The following CAMKMT variants were observed in gnomAD, a reference collection of about 807,000 sequenced individuals.
The protein encoded by CAMKMT is calmodulin-lysine N-methyltransferase.
A neutral mutation model predicts 48.0 loss-of-function variants in CAMKMT; 53 were observed. The ratio of observed to expected loss-of-function variants is 1.10; its 90% confidence interval spans 0.89 to 1.39. The LOEUF (loss-of-function observed/expected upper bound fraction) is 1.39, where lower values mean the gene tolerates loss of function less well. Ranked by LOEUF, CAMKMT falls within the 40% of genes most tolerant of loss-of-function variation. The pLI, the probability that CAMKMT is intolerant of heterozygous loss-of-function variation, is 0.00. For synonymous variants in CAMKMT, 165 were observed against 152.3 expected, an observed-to-expected ratio of 1.08 and a Z score of -0.61; for missense variants, 428 against 402.7, an observed-to-expected ratio of 1.06 and a Z score of -0.54.
chr2:44,444,604 G>T (rs760332976), intron 3 of CAMKMT, among the ~76,000 whole-genome samples: 1 of 152,106 alleles, frequency 6.6e-6, no homozygotes, highest in Non-Finnish European at 1.5e-5. Context: ...AAATTTTATC[G>T]TGGATGTTAA....
intron 3 of CAMKMT, among the ~76,000 whole-genome samples, chr2:44,529,576 A>G (rs1040213768): frequency 2.0e-5 from 3 of 152,212 alleles, no homozygotes; most frequent in Non-Finnish European, 4.4e-5. Flanking sequence ...ACTTTGGGCT[A>G]GGGTTGCTTC....
In CAMKMT at chr2:44,668,111, G is replaced by A. The variant is rs1213576410; in HGVS notation, c.377-36172G>A. Among the ~76,000 whole-genome samples, 3 of 152,060 alleles carry A rather than the reference G, an allele frequency of 2.0e-5. 1 individual carries two copies. The highest frequency in any genetic ancestry group is 2.9e-5 in the Non-Finnish European group (2 of 68,024). Reference sequence around the variant, plus strand: ...TTGAGAAATCCTGCTACATTTCCCTGGTAAATTTGTTCTTCAAACCCCTCC... The same window carrying A: ...TTGAGAAATCCTGCTACATTTCCCTAGTAAATTTGTTCTTCAAACCCCTCC... On this transcript the variant is annotated intron_variant, in intron 3 of 10. Coordinates refer to ENST00000378494, the MANE Select transcript of CAMKMT (RefSeq NM_024766.5).
At chr2:44,581,723 G>A (rs973378747) in intron 3 of CAMKMT, among the ~76,000 whole-genome samples, 9 of 152,236 alleles carry the variant, frequency 5.9e-5, no homozygotes, top group South Asian at 4.1e-4. Flanking sequence ...GGTTTTTGCC[G>A]GGCGTGGTGG....
intron 3 of CAMKMT, among the ~76,000 whole-genome samples, chr2:44,698,033 T>C (rs943117308): frequency 6.6e-6 from 1 of 152,188 alleles, no homozygotes; most frequent in Non-Finnish European, 1.5e-5. Flanking sequence ...CTATAACTAA[T>C]TTGAAAAGAA....
intron 3 of CAMKMT, among the ~76,000 whole-genome samples, chr2:44,642,192 G>A (rs976810401): frequency 1.3e-5 from 2 of 152,138 alleles, no homozygotes; most frequent in African/African-American, 4.8e-5. Context: ...TACCTTTGTT[G>A]GCTAAAAGTT....
chr2:44,626,088 A>T (rs1672465022), intron 3 of CAMKMT, among the ~76,000 whole-genome samples: 1 of 152,190 alleles, frequency 6.6e-6, no homozygotes, highest in African/African-American at 2.4e-5. Context: ...ATTGCATTGA[A>T]TTCATAGATG....
chr2:44,672,571 A>G (rs1045524249), intron 3 of CAMKMT, among the ~76,000 whole-genome samples: 2 of 152,184 alleles, frequency 1.3e-5, no homozygotes, highest in African/African-American at 4.8e-5. Context: ...CTCTTTCTAC[A>G]TGAGCAGAGC....
At chr2:44,567,323 C>A (rs529652974) in intron 3 of CAMKMT, among the ~76,000 whole-genome samples, 1 of 152,282 alleles carries the variant, frequency 6.6e-6, no homozygotes, top group Admixed American at 6.5e-5. Context: ...TATTAAAATG[C>A]TCTCCACAGG....
At chr2:44,540,138 C>T (rs1274500688) in intron 3 of CAMKMT, among the ~76,000 whole-genome samples, 1 of 130,218 alleles carries the variant, frequency 7.7e-6, no homozygotes, top group African/African-American at 2.8e-5. Flanking sequence ...TCCCATTTTC[C>T]CTCTCTTATA....
intron 3 of CAMKMT, among the ~76,000 whole-genome samples, chr2:44,648,821 A>G (rs1673898558): frequency 6.6e-6 from 1 of 152,192 alleles, no homozygotes; most frequent in South Asian, 2.1e-4. Flanking sequence ...TTTCTCCCCT[A>G]GACTACCCCA....
At chr2:44,727,116 C>T (rs1573178052) in intron 7 of CAMKMT, among the ~76,000 whole-genome samples, 1 of 152,050 alleles carries the variant, frequency 6.6e-6, no homozygotes, top group Non-Finnish European at 1.5e-5. Context: ...TTTTTGGTTC[C>T]ATATGAATTT....
chr2:44,418,181 G>T (rs1295216780), intron 3 of CAMKMT, among the ~76,000 whole-genome samples: 1 of 127,738 alleles, frequency 7.8e-6, no homozygotes. Context: ...GACAAGAGCG[G>T]AACTCTGTCT....
At chr2:44,464,558 AAGAC>A (rs1276840005) in intron 3 of CAMKMT, among the ~76,000 whole-genome samples, 1 of 152,240 alleles carries the variant, frequency 6.6e-6, no homozygotes, top group African/African-American at 2.4e-5. Context: ...TCGAATGTCA[AAGAC>A]AGAATCTGCA....
At chr2:44,638,214 T>G (rs1673250760) in intron 3 of CAMKMT, among the ~76,000 whole-genome samples, 1 of 152,212 alleles carries the variant, frequency 6.6e-6, no homozygotes, top group Non-Finnish European at 1.5e-5. Flanking sequence ...AACTGTATCT[T>G]TGGCAACTAT....
chr2:44,662,415 A>C (rs139025925), intron 3 of CAMKMT, among the ~76,000 whole-genome samples: 88 of 152,302 alleles, frequency 5.8e-4, no homozygotes, highest in Non-Finnish European at 1.1e-3. Context: ...GTATCACAGG[A>C]ACTTGTACTG....
intron 3 of CAMKMT, among the ~76,000 whole-genome samples, chr2:44,471,689 T>C (rs1668426715): frequency 6.6e-6 from 1 of 152,052 alleles, no homozygotes; most frequent in South Asian, 2.1e-4. Context: ...GCTATGTGAG[T>C]TGAGTCAAAT....
At chr2:44,739,349 A>C in intron 7 of CAMKMT, among the ~76,000 whole-genome samples, 1 of 152,236 alleles carries the variant, frequency 6.6e-6, no homozygotes, top group Non-Finnish European at 1.5e-5. Flanking sequence ...AATGACCTGC[A>C]CTTGTGGCAT....
At chr2:44,429,210 A>C (rs1371810019) in intron 3 of CAMKMT, among the ~76,000 whole-genome samples, 2 of 151,620 alleles carry the variant, frequency 1.3e-5, no homozygotes, top group Non-Finnish European at 2.9e-5. Context: ...GCTGACTTTG[A>C]AGCAATGTGG....
chr2:44,528,539 A>G (rs1226654530), intron 3 of CAMKMT, among the ~76,000 whole-genome samples: 1 of 152,218 alleles, frequency 6.6e-6, no homozygotes, highest in East Asian at 1.9e-4. Flanking sequence ...CACAACCATT[A>G]TACTGTAATA....
Sources: allele counts gnomAD v4.1 joint callset (sites outside exome capture counted in the v4.1 genomes callset), GRCh38; gene constraint gnomAD v4.1.1; transcripts MANE v1.5; gene names NCBI Gene and HGNC (gene_info 2026-07-23, HGNC 2026-07-21).